TRPV3: variants seen among roughly 807,000 people sequenced by gnomAD.
TRPV3 encodes the protein transient receptor potential cation channel subfamily V member 3.
TRPV3 carries 88 observed loss-of-function variants against 87.1 expected under a neutral mutation model. The ratio of observed to expected loss-of-function variants is 1.01; its 90% CI spans 0.85 to 1.21. TRPV3 has a LOEUF of 1.21. Among genes scored for constraint, TRPV3 ranks in the 50% most tolerant of loss-of-function variants. The pLI, the probability that TRPV3 is intolerant of heterozygous loss-of-function variation, is 0.00. For missense variants in TRPV3, 1,054 were observed against 1,030.1 expected (o/e 1.02, Z -0.32); for synonymous variants, 438 against 423.3 (o/e 1.03, Z -0.43).
chr17:3,542,737 C>T lies in TRPV3; in HGVS notation c.467-39G>A, dbSNP rs116255180. Reference sequence around the variant, plus strand: ...CATGGGTGGAGTTACAGGAGGGCCCCGGCTGCCCTTGGCCCTCCCAGCCCA... The same window carrying T: ...CATGGGTGGAGTTACAGGAGGGCCCTGGCTGCCCTTGGCCCTCCCAGCCCA... On this transcript the variant is annotated intron_variant, in intron 5 of 17. Transcript: ENST00000576742. 6.7e-4 allele frequency: 1,066 copies of T among 1,597,534 alleles called. 7 individuals carry two copies. The African/African-American group carries it at 0.011, about 16-fold the overall frequency.
chr17:3,544,478 A>G (rs529532019), intron 4 of TRPV3, 101 bp downstream of exon 4: 1 of 697,990 alleles, frequency 1.4e-6, no homozygotes, highest in East Asian at 2.9e-5. Context: ...ATCCCCAGGA[A>G]TGGTGGATTC....
In TRPV3 at chr17:3,511,693, A is replaced by T. The variant is rs2074116062; in HGVS notation, c.*2224T>A. 6.6e-6 allele frequency: 1 copy of T among 152,260 alleles called. No homozygotes were observed. The highest frequency in any genetic ancestry group is 6.5e-5 in the Admixed American group (1 of 15,286). 9.4% of individuals were successfully genotyped at this position (152,260 alleles called of 1,614,324 possible). ...CACCAAAACATGTGAGATGACAAACATCCCTATGGCTCTCCATTCCCCACT... is the reference window on the plus strand; with the variant it reads ...CACCAAAACATGTGAGATGACAAACTTCCCTATGGCTCTCCATTCCCCACT... On this transcript the variant is annotated 3_prime_UTR_variant, in exon 18 of 18. Coordinates refer to ENST00000576742, the MANE Select transcript of TRPV3 (RefSeq NM_145068.4).
At chr17:3,553,823 T>C (rs1364554285) in intron 2 of TRPV3, 1 of 152,252 alleles carries the variant, frequency 6.6e-6, no homozygotes, top group Non-Finnish European at 1.5e-5. Flanking sequence ...TCAATGATTA[T>C]AGCTCCAACT....
Position 3,526,970 on chromosome 17 carries a change from C to T in TRPV3, c.1504-43G>A, listed in dbSNP as rs764278919. 6 of 1,536,496 alleles carry T rather than the reference C, an allele frequency of 3.9e-6. No homozygotes were observed. The South Asian group carries it at 4.7e-5, about 12-fold the overall frequency. On this transcript the variant is annotated intron_variant, in intron 11 of 17. Coordinates refer to ENST00000576742, the MANE Select transcript of TRPV3 (RefSeq NM_145068.4). ...AGAAACAGTGCACCCTCTTCATGGC[C>T]CTCAGCAGGGGAGCTGAGCAGAGGG...
At chr17:3,547,629 T>C (rs1189501592) in intron 2 of TRPV3, among the ~76,000 whole-genome samples, 1 of 150,576 alleles carries the variant, frequency 6.6e-6, no homozygotes, top group Admixed American at 6.6e-5. Context: ...AGAAAAAAAA[T>C]GGCTGATCTA....
Position 3,545,165 on chromosome 17 carries a change from A to G in TRPV3, c.224+2T>C. On this transcript the variant is annotated splice_donor_variant, in intron 3 of 17. Coordinates refer to ENST00000576742, the MANE Select transcript of TRPV3 (RefSeq NM_145068.4). LOFTEE classifies it high-confidence loss of function. ...AGGGGTTGGGCTGGGGCCCGTACTC[A>G]CCACTGCCGGATGTTGGAATCCATG... is the stretch of plus-strand genomic sequence containing the variant. The G allele has an allele frequency of 6.2e-7, 1 of 1,612,332 alleles. No individual in the cohort carries two copies. The highest frequency in any genetic ancestry group is 1.1e-5 in the South Asian group (1 of 90,858).
intron 8 of TRPV3, among the ~76,000 whole-genome samples, chr17:3,531,943 C>T (rs2074352686): frequency 6.6e-6 from 1 of 152,174 alleles, no homozygotes; most frequent in African/African-American, 2.4e-5. Context: ...ACAGTCACCA[C>T]CCCCCAGTGT....
chr17:3,522,311 C>T lies in TRPV3; in HGVS notation c.1744-1272G>A, dbSNP rs539080479. On this transcript the variant is annotated intron_variant, in intron 13 of 17. Coordinates refer to ENST00000576742, the MANE Select transcript of TRPV3 (RefSeq NM_145068.4). ...CTGGAAATTGGCCCTGAGAGGAGAA[C>T]AGTAGTCCGCCCTTCTCTTCGATTT... Among the ~76,000 whole-genome samples the T allele has an allele frequency of 2.2e-3, 328 of 152,246 alleles. 2 individuals carry two copies. Among genetic ancestry groups the T allele is most frequent in the African/African-American group, 7.6e-3 (317 of 41,550 alleles).
intron 7 of TRPV3, among the ~76,000 whole-genome samples, chr17:3,535,209 C>CCTCCTCCCTCCCCCT (rs2074390945): frequency 8.3e-6 from 1 of 120,516 alleles, no homozygotes; most frequent in East Asian, 3.2e-4. Flanking sequence ...TCCTCCTTCT[C>CCTCCTCCCTCCCCCT]CCTTCTGTCT....
At chr17:3,552,953 TCTC>T (rs1245101795) in intron 2 of TRPV3, 3 of 152,192 alleles carry the variant, frequency 2.0e-5, no homozygotes, top group Admixed American at 1.3e-4. Flanking sequence ...TCTGGCTCCT[TCTC>T]CACCAGTTTT....
rs375204704 is a variant in TRPV3 at position 3,544,762 on chromosome 17, C to T, written c.225-97G>A. The T allele has an allele frequency of 6.6e-5, 55 of 838,310 alleles. 1 individual carries two copies. The East Asian group carries it at 8.1e-4, about 12-fold the overall frequency. The allele number at this position is 838,310 out of a possible 1,614,324, so 51.9% of individuals were successfully genotyped here. A position where few individuals can be genotyped will look rare whatever the true frequency, so the allele number is the denominator to read the frequency against. On this transcript the variant is annotated intron_variant, in intron 3 of 17. Transcript: ENST00000576742. Reference sequence around the variant, plus strand: ...ATGTAATCCCAGCACTTTGGGAGGCCGAGGCAGGTGGATCACTTGAGGTCA... The same window carrying T: ...ATGTAATCCCAGCACTTTGGGAGGCTGAGGCAGGTGGATCACTTGAGGTCA...
At chr17:3,515,378 G>T (rs904082633) in intron 16 of TRPV3, among the ~76,000 whole-genome samples, 7 of 152,054 alleles carry the variant, frequency 4.6e-5, no homozygotes, top group Non-Finnish European at 1.0e-4. Flanking sequence ...GGTGTTCATG[G>T]GGCCGGGCAC....
Position 3,544,684 on chromosome 17 carries a change from G to C in TRPV3, c.225-19C>G. On this transcript the variant is annotated intron_variant, in intron 3 of 17. Coordinates refer to ENST00000576742, the MANE Select transcript of TRPV3 (RefSeq NM_145068.4). The stretch of plus-strand genomic sequence containing the variant: ...AGAGATGCTGGAGGTGTTGGCAGGG[G>C]GAACAGAGAGGGTTTTAAAGTTTTA... The C allele has an allele frequency of 6.3e-7, 1 of 1,582,462 alleles. No homozygotes were observed.
intron 2 of TRPV3, among the ~76,000 whole-genome samples, chr17:3,550,871 A>C: frequency 6.6e-6 from 1 of 152,136 alleles, no homozygotes; most frequent in East Asian, 1.9e-4. Flanking sequence ...AAAGCTACTA[A>C]TATCCTCTGT....
intron 7 of TRPV3, among the ~76,000 whole-genome samples, chr17:3,535,187 C>T (rs73316993): frequency 0.012 from 1,455 of 117,376 alleles, 31 homozygotes; most frequent in African/African-American, 0.046. Flanking sequence ...CTCCTCCCTT[C>T]CTCCCTCTCC....
At chr17:3,547,028 G>A (rs965437708) in intron 2 of TRPV3, among the ~76,000 whole-genome samples, 6 of 151,162 alleles carry the variant, frequency 4.0e-5, no homozygotes, top group African/African-American at 9.8e-5. Flanking sequence ...GGCTGAACCC[G>A]GGTCTCTACT....
At chr17:3,548,988 C>T (rs2074548930) in intron 2 of TRPV3, among the ~76,000 whole-genome samples, 1 of 152,154 alleles carries the variant, frequency 6.6e-6, no homozygotes, top group South Asian at 2.1e-4. Flanking sequence ...AGTCTGATTG[C>T]CACTTCCCTG....
At chr17:3,516,637 T>C (rs1009253519) in intron 15 of TRPV3, 68 bp from the exon 16 acceptor site, 16 of 1,147,818 alleles carry the variant, frequency 1.4e-5, no homozygotes, top group Non-Finnish European at 2.0e-5. Context: ...GCACACACAC[T>C]GTCGGGGAGC....
chr17:3,546,440 T>C (rs1289793538), intron 2 of TRPV3, among the ~76,000 whole-genome samples: 1 of 151,280 alleles, frequency 6.6e-6, no homozygotes, highest in Non-Finnish European at 1.5e-5. Context: ...AGACTCTATC[T>C]CAAAAAACAA....
Sources: gnomAD v4.1 joint callset for allele counts (sites outside exome capture counted in the v4.1 genomes callset) on GRCh38, gnomAD v4.1.1 for gene constraint, MANE v1.5 for transcripts, NCBI Gene and HGNC (gene_info 2026-07-23, HGNC 2026-07-21) for gene names.